The following DCP1B variants were observed in gnomAD, a reference collection of about 807,000 sequenced individuals.
DCP1B encodes the protein decapping mRNA 1B, also known as mRNA-decapping enzyme 1B.
Under a neutral mutation model 60.5 loss-of-function variants are expected in DCP1B, and 47 were observed. The observed-to-expected ratio is 0.78, with a 90% CI of 0.61 to 0.99. The LOEUF (loss-of-function observed/expected upper bound fraction) is 0.99, where lower values mean the gene tolerates loss of function less well. Ranked by LOEUF, DCP1B falls within the 50% of genes least tolerant of loss-of-function variation. The pLI is 0.00. For synonymous variants in DCP1B, 267 were observed against 280.3 expected (o/e 0.95, Z 0.47); for missense variants, 725 against 756.8 (o/e 0.96, Z 0.49).
rs1270724586 is a variant in DCP1B, at chr12:1,946,059, A to G, written c.*147T>C. On this transcript the variant is annotated 3_prime_UTR_variant, in exon 9 of 9. Coordinates refer to ENST00000280665, the MANE Select transcript of DCP1B (RefSeq NM_152640.5). ...TAATTAAAAAACACTTGAGTATAAA[A>G]AAAAGTCTGAAACATTTTACTTCAT... The G allele has an allele frequency of 3.4e-6, 2 of 585,600 alleles. No individual in the cohort carries two copies. The highest frequency in any genetic ancestry group is 3.2e-5 in the South Asian group (1 of 30,802). The allele number at this position is 585,600 out of a possible 1,614,324, so 36.3% of individuals were successfully genotyped here.
rs201854216 is a variant in DCP1B, at chr12:1,952,519, G to A, written c.1421C>T (p.Ala474Val). 5.6e-5 allele frequency: 91 copies of A among 1,614,044 alleles called. No individual in the cohort carries two copies. Among genetic ancestry groups the A allele is most frequent in the Admixed American group, 1.7e-4 (10 of 59,996 alleles). ...QLHASNRPAL[A>V]AKFPVLAQSS... is the part of the protein sequence containing the mutation. ...CTGAGCGAGCACAGGAAACTTAGCG[G>A]CCAAGGCTGGCCGGTTAGAGGCATG... Residue 474 changes from alanine to valine, a missense_variant, in exon 7 of 9, where the codon GCC (alanine) becomes GTC (valine). Physicochemically the swap from Ala to Val is moderately conservative, Grantham distance 64. Coordinates refer to ENST00000280665, the MANE Select transcript of DCP1B (RefSeq NM_152640.5).
At chr12:1,974,923 A>C (rs1407463453) in intron 3 of DCP1B, among the ~76,000 whole-genome samples, 1 of 152,180 alleles carries the variant, frequency 6.6e-6, no homozygotes, top group Non-Finnish European at 1.5e-5. Context: ...TCTACAGGTC[A>C]AAAATTTGTT....
chr12:1,962,843 G>A lies in DCP1B; in HGVS notation c.522+2715C>T, dbSNP rs901760806. The stretch of plus-strand genomic sequence containing the variant: ...GTGCTAAGTACTTTGAAGACAATAA[G>A]GGATATAAAAGTGAATAAAGGATGT... On this transcript the variant is annotated intron_variant, in intron 5 of 8. Coordinates refer to ENST00000280665, the MANE Select transcript of DCP1B (RefSeq NM_152640.5). This position sits in a 1 kb window ranked among gnomAD's most constrained non-coding sequence, Gnocchi z 4.4. Among the ~76,000 whole-genome samples, 1 of 152,002 alleles carries A rather than the reference G, an allele frequency of 6.6e-6. No homozygotes were observed. Among genetic ancestry groups the A allele is most frequent in the African/African-American group, 2.4e-5 (1 of 41,380 alleles).
chr12:1,976,944 G>T (rs1016839927), intron 3 of DCP1B, among the ~76,000 whole-genome samples: 9 of 151,972 alleles, frequency 5.9e-5, no homozygotes, highest in African/African-American at 2.2e-4. Context: ...TTCTCATAGG[G>T]GTTTGTGACT....
At chr12:1,945,012 G>T (rs1286402750), downstream of DCP1B, among the ~76,000 whole-genome samples, 1 of 152,168 alleles carries the variant, frequency 6.6e-6, no homozygotes, top group Non-Finnish European at 1.5e-5. Context: ...CAGAATGGGA[G>T]AAATTTTTTG....
chr12:1,990,702 G>A (rs2154473325), intron 3 of DCP1B, among the ~76,000 whole-genome samples: 1 of 152,258 alleles, frequency 6.6e-6, no homozygotes, highest in Non-Finnish European at 1.5e-5. Flanking sequence ...AGAATATCTT[G>A]AGGAAATAGT....
rs116943256 is a variant in DCP1B, at chr12:1,947,517, G to A, written c.1774-1231C>T. Among the ~76,000 whole-genome samples, 46 of 152,300 alleles carry A rather than the reference G, an allele frequency of 3.0e-4. No individual in the cohort carries two copies. The East Asian group carries it at 7.9e-3, about 26-fold the overall frequency. The stretch of plus-strand genomic sequence containing the variant: ...TAAAATGCACGCAGAGTGGAGGGCA[G>A]GGGAATGTAATTTCTAATCCGCCAT... On this transcript the variant is annotated intron_variant, in intron 8 of 8. Coordinates refer to ENST00000280665, the MANE Select transcript of DCP1B (RefSeq NM_152640.5).
intron 3 of DCP1B, among the ~76,000 whole-genome samples, chr12:1,986,651 T>C (rs1282840279): frequency 2.5e-5 from 3 of 121,948 alleles, no homozygotes; most frequent in African/African-American, 1.1e-4. Flanking sequence ...AAGAGGAGTT[T>C]CTCTCAGGTT....
chr12:1,947,951 C>A (rs944330010), intron 8 of DCP1B, among the ~76,000 whole-genome samples: 1 of 152,152 alleles, frequency 6.6e-6, no homozygotes, highest in African/African-American at 2.4e-5. Flanking sequence ...GCGTGAGCAG[C>A]CACTGTGCCC....
At chr12:1,993,710 A>G (rs1383647421) in intron 2 of DCP1B, among the ~76,000 whole-genome samples, 2 of 151,914 alleles carry the variant, frequency 1.3e-5, no homozygotes, top group African/African-American at 4.8e-5. Flanking sequence ...TTTAAGGCAG[A>G]GTAACTACTT....
intron 1 of DCP1B, among the ~76,000 whole-genome samples, chr12:2,003,504 C>G (rs1385137573): frequency 4.6e-5 from 7 of 152,176 alleles, no homozygotes; most frequent in African/African-American, 1.4e-4. Context: ...GGGTGGGTTA[C>G]AAAATTACAA....
intron 8 of DCP1B, among the ~76,000 whole-genome samples, chr12:1,946,780 G>C (rs940774328): frequency 6.6e-6 from 1 of 152,248 alleles, no homozygotes; most frequent in Middle Eastern, 3.4e-3. Flanking sequence ...GCTCACTGCA[G>C]CCTCAACCTC....
At position 1,995,633 on chromosome 12, in the gene DCP1B, A is replaced by G. The variant is rs368429534; in HGVS notation, c.192-2242T>C. On this transcript the variant is annotated intron_variant, in intron 2 of 8. Coordinates refer to ENST00000280665, the MANE Select transcript of DCP1B (RefSeq NM_152640.5). ...AACAGACCTTCCTCCCCTGCAGCTGAGCTCCCTCCTGCCCAGCATACACAG... is the reference window on the plus strand; with the variant it reads ...AACAGACCTTCCTCCCCTGCAGCTGGGCTCCCTCCTGCCCAGCATACACAG... 9.2e-4 allele frequency among the ~76,000 whole-genome samples: 140 copies of G among 152,068 alleles called. 1 individual carries two copies. The highest frequency in any genetic ancestry group is 3.3e-3 in the African/African-American group (135 of 41,444).
chr12:1,947,471 G>C (rs2030477037), intron 8 of DCP1B, among the ~76,000 whole-genome samples: 1 of 152,222 alleles, frequency 6.6e-6, no homozygotes, highest in Non-Finnish European at 1.5e-5. Context: ...GGGAATATGA[G>C]GTGTGGTACA....
intron 1 of DCP1B, among the ~76,000 whole-genome samples, chr12:2,000,330 T>G (rs1332426229): frequency 6.6e-6 from 1 of 152,240 alleles, no homozygotes; most frequent in African/African-American, 2.4e-5. Flanking sequence ...ACTCTCCTGG[T>G]CTTCCAGTAT....
intron 3 of DCP1B, among the ~76,000 whole-genome samples, chr12:1,981,008 C>T (rs141377561): frequency 7.6e-4 from 115 of 152,140 alleles, no homozygotes; most frequent in African/African-American, 2.6e-3. Flanking sequence ...TATATATATG[C>T]ATTATACATC....
intron 5 of DCP1B, among the ~76,000 whole-genome samples, chr12:1,963,109 T>C (rs980911672): frequency 3.3e-5 from 5 of 152,256 alleles, no homozygotes; most frequent in Non-Finnish European, 5.9e-5. Context: ...TATTTCAAGA[T>C]GGTGCTGTAC....
chr12:1,999,523 C>G (rs1165601148), intron 1 of DCP1B, among the ~76,000 whole-genome samples: 1 of 152,096 alleles, frequency 6.6e-6, no homozygotes, highest in Non-Finnish European at 1.5e-5. Flanking sequence ...CAGTTTGAGA[C>G]CAGCCTGGGC....
At chr12:1,957,949 G>A (rs1000479247) in intron 5 of DCP1B, among the ~76,000 whole-genome samples, 2 of 152,194 alleles carry the variant, frequency 1.3e-5, no homozygotes, top group African/African-American at 2.4e-5. Flanking sequence ...AGACTTAAGC[G>A]TAAGGCCTGA....
Sources: allele counts gnomAD v4.1 joint callset (sites outside exome capture counted in the v4.1 genomes callset), GRCh38; gene constraint gnomAD v4.1.1; non-coding constraint Gnocchi (gnomAD v3.1); transcripts MANE v1.5; gene names NCBI Gene and HGNC (gene_info 2026-07-23, HGNC 2026-07-21).